The following SMARCAD1 variants were observed in gnomAD, a reference collection of about 807,000 sequenced individuals.
The protein encoded by SMARCAD1 is SWI/SNF-related matrix-associated actin-dependent regulator of chromatin subfamily A containing DEAD/H box 1.
A neutral mutation model predicts 127.1 loss-of-function variants in SMARCAD1; 25 were observed. The observed-to-expected ratio is 0.20, with a 90% CI of 0.14 to 0.27. SMARCAD1 has a LOEUF of 0.27. SMARCAD1 is among the 10% of genes least tolerant of loss of function. The pLI is 1.00. For synonymous variants in SMARCAD1, 400 were observed against 396.9 expected, an observed-to-expected ratio of 1.01 and a Z score of -0.09; for missense variants, 807 against 1,206.0, an observed-to-expected ratio of 0.67 and a Z score of 4.90.
intron 10 of SMARCAD1, among the ~76,000 whole-genome samples, chr4:94,266,009 A>G (rs538902126): frequency 5.9e-5 from 9 of 152,230 alleles, no homozygotes; most frequent in Admixed American, 5.2e-4. Context: ...AAAAAAAACA[A>G]GATGATTACT....
chr4:94,216,339 GA>G (rs1743177389), intron 2 of SMARCAD1, among the ~76,000 whole-genome samples: 1 of 152,042 alleles, frequency 6.6e-6, no homozygotes, highest in South Asian at 2.1e-4. Flanking sequence ...AAAAATTTTA[GA>G]TTTTTATGTG....
intron 4 of SMARCAD1, 92 bp downstream of exon 4, chr4:94,234,214 GAT>G (rs1393285484): frequency 1.7e-6 from 2 of 1,145,942 alleles, no homozygotes; most frequent in Non-Finnish European, 2.5e-6. Context: ...TTTTTCTAAA[GAT>G]ATCTTACGTT....
chr4:94,230,608 C>T (rs966341632), intron 3 of SMARCAD1, among the ~76,000 whole-genome samples: 1 of 152,272 alleles, frequency 6.6e-6, no homozygotes, highest in Non-Finnish European at 1.5e-5. Flanking sequence ...CTCACCCCAG[C>T]AGATGCCAGT....
intron 6 of SMARCAD1, 124 bp from the exon 7 acceptor site, chr4:94,249,530 A>T: frequency 1.5e-6 from 1 of 660,080 alleles, no homozygotes; most frequent in Admixed American, 2.6e-5. Flanking sequence ...AAAAAGAAAC[A>T]GTTTGGATTC....
At chr4:94,256,429 C>T (rs1259586350) in intron 9 of SMARCAD1, among the ~76,000 whole-genome samples, 4 of 152,126 alleles carry the variant, frequency 2.6e-5, no homozygotes, top group African/African-American at 7.2e-5. Flanking sequence ...ATGGTATGAT[C>T]TCAGCTCACT....
In SMARCAD1 at chr4:94,290,379, A is replaced by G; in HGVS notation, c.*845A>G. On this transcript the variant is annotated 3_prime_UTR_variant, in exon 24 of 24. Transcript: ENST00000354268. ...CTTCCTCTCTAAATAGTAGTTTATTACTGCCACATCTCCATGCATCAGCAA... is the reference window on the plus strand; with the variant it reads ...CTTCCTCTCTAAATAGTAGTTTATTGCTGCCACATCTCCATGCATCAGCAA... 2.2e-6 allele frequency: 1 copy of G among 454,478 alleles called. No individual in the cohort carries two copies. The highest frequency in any genetic ancestry group is 4.4e-6 in the Non-Finnish European group (1 of 226,758). The allele number at this position is 454,478 out of a possible 1,614,324, so 28.2% of individuals were successfully genotyped here. A position where few individuals can be genotyped will look rare whatever the true frequency, so the allele number is the denominator to read the frequency against.
rs368460484 is a variant in SMARCAD1, at chr4:94,213,313, G to A, written c.190+4729G>A. On this transcript the variant is annotated intron_variant, in intron 2 of 23. Transcript: ENST00000354268. ...GTCACAGAGATATGACCTTTGGAGT[G>A]GACTCTAAACAATGAAATCATTGTT... is the stretch of plus-strand genomic sequence containing the variant. Among the ~76,000 whole-genome samples, 6 of 152,128 alleles carry A rather than the reference G, an allele frequency of 3.9e-5. 1 individual carries two copies. Among genetic ancestry groups the A allele is most frequent in the African/African-American group, 1.4e-4 (6 of 41,502 alleles).
intron 20 of SMARCAD1, 89 bp downstream of exon 20, chr4:94,280,869 G>A (rs548088097): frequency 1.9e-5 from 24 of 1,234,716 alleles, no homozygotes; most frequent in Non-Finnish European, 2.6e-5. Context: ...GCTTGAATTA[G>A]CCTATGTCTG....
intron 2 of SMARCAD1, among the ~76,000 whole-genome samples, chr4:94,223,278 A>C (rs976791450): frequency 2.0e-4 from 31 of 152,134 alleles, no homozygotes; most frequent in South Asian, 6.2e-4. Context: ...GTGGATCACG[A>C]GGTCAGGAGT....
At chr4:94,282,310 A>G (rs1427179815) in intron 21 of SMARCAD1, among the ~76,000 whole-genome samples, 1 of 149,624 alleles carries the variant, frequency 6.7e-6, no homozygotes, top group African/African-American at 2.4e-5. Context: ...GTTAGCCAGG[A>G]TGGTCTCGAT....
intron 2 of SMARCAD1, among the ~76,000 whole-genome samples, chr4:94,218,548 C>A (rs1384902334): frequency 6.6e-6 from 1 of 152,078 alleles, no homozygotes; most frequent in African/African-American, 2.4e-5. Flanking sequence ...CTGCCTTGGC[C>A]TCCCAAAGTG....
intron 3 of SMARCAD1, among the ~76,000 whole-genome samples, chr4:94,227,752 T>C (rs1489662244): frequency 1.3e-5 from 2 of 152,208 alleles, no homozygotes; most frequent in Non-Finnish European, 2.9e-5. Context: ...TAAATGGAGA[T>C]GTCAAGTAGG....
At chr4:94,231,753 T>C (rs532028435) in intron 3 of SMARCAD1, among the ~76,000 whole-genome samples, 11 of 152,238 alleles carry the variant, frequency 7.2e-5, no homozygotes, top group South Asian at 6.2e-4. Flanking sequence ...AAGATCTAAA[T>C]TACATTTGGC....
chr4:94,221,928 A>G (rs1000779843), intron 2 of SMARCAD1, among the ~76,000 whole-genome samples: 2 of 152,226 alleles, frequency 1.3e-5, no homozygotes, highest in African/African-American at 2.4e-5. Context: ...TGATAGGACA[A>G]AGGGGATCTG....
Position 94,278,553 on chromosome 4 carries a change from T to C in SMARCAD1, c.2178+36T>C. ...TCTACATGTTTTTTATTTTTATTGT[T>C]TTTAAAACTTAGGTTTTTCTCTTTA... On this transcript the variant is annotated intron_variant, in intron 17 of 23. Coordinates refer to ENST00000354268, the MANE Select transcript of SMARCAD1 (RefSeq NM_020159.5). 8.1e-6 allele frequency: 13 copies of C among 1,609,820 alleles called. No homozygotes were observed. The Middle Eastern group carries it at 5.0e-4, about 61-fold the overall frequency.
intron 12 of SMARCAD1, among the ~76,000 whole-genome samples, chr4:94,273,923 T>C (rs1349963923): frequency 2.6e-5 from 4 of 152,220 alleles, no homozygotes; most frequent in Non-Finnish European, 4.4e-5. Context: ...AGAACTCAAA[T>C]GTAAGTCAGT....
intron 4 of SMARCAD1, among the ~76,000 whole-genome samples, chr4:94,236,046 TA>T (rs1311241094): frequency 6.6e-6 from 1 of 152,132 alleles, no homozygotes; most frequent in African/African-American, 2.4e-5. Context: ...CAAAAGGTTT[TA>T]AATCCATGTA....
chr4:94,248,493 G>A (rs758578259), intron 6 of SMARCAD1: 2 of 456,206 alleles, frequency 4.4e-6, no homozygotes, highest in Non-Finnish European at 8.8e-6. Context: ...TGCCTGGGCT[G>A]TAAAGGTGGC....
At chr4:94,235,191 A>C (rs1395807945) in intron 4 of SMARCAD1, among the ~76,000 whole-genome samples, 1 of 136,598 alleles carries the variant, frequency 7.3e-6, no homozygotes, top group Non-Finnish European at 1.5e-5. Flanking sequence ...GTCACTCTCC[A>C]GTTTTGTCCC....
Sources: gnomAD v4.1 joint callset for allele counts (sites outside exome capture counted in the v4.1 genomes callset) on GRCh38, gnomAD v4.1.1 for gene constraint, MANE v1.5 for transcripts, NCBI Gene and HGNC (gene_info 2026-07-23, HGNC 2026-07-21) for gene names.